Variants in CCDC141 observed in about 807,000 individuals in gnomAD.
CCDC141 encodes coiled-coil domain-containing protein 141.
In CCDC141, 168 loss-of-function variants were observed where a neutral mutation model predicts 181.0. The ratio of observed to expected loss-of-function variants is 0.93; its 90% CI spans 0.82 to 1.05. The LOEUF is 1.05. CCDC141 is among the 50% of genes least tolerant of loss of function. CCDC141 has a pLI of 0.00. For synonymous variants in CCDC141, 666 were observed against 642.3 expected, an observed-to-expected ratio of 1.04 and a Z score of -0.56; for missense variants, 1,902 against 1,788.5, an observed-to-expected ratio of 1.06 and a Z score of -1.14.
At chr2:178,926,311 C>A (rs1033234558) in intron 6 of CCDC141, among the ~76,000 whole-genome samples, 3 of 151,862 alleles carry the variant, frequency 2.0e-5, no homozygotes, top group African/African-American at 7.3e-5. Context: ...TATAATTATA[C>A]CAAAAATTGG....
At chr2:178,907,921 C>G (rs947899071) in intron 7 of CCDC141, among the ~76,000 whole-genome samples, 12 of 151,944 alleles carry the variant, frequency 7.9e-5, no homozygotes, top group African/African-American at 2.9e-4. Flanking sequence ...ATCACTAGAA[C>G]CCGGGAGGTG....
chr2:178,842,396 A>G (rs1684763562), intron 22 of CCDC141, among the ~76,000 whole-genome samples: 1 of 152,212 alleles, frequency 6.6e-6, no homozygotes, highest in Non-Finnish European at 1.5e-5. Context: ...ATATCTAGTA[A>G]ACAATTAGCT....
Position 178,834,272 on chromosome 2 carries a change from C to G in CCDC141, c.4494G>C (p.Val1498=). 6.5e-7 allele frequency: 1 copy of G among 1,536,086 alleles called. No individual in the cohort carries two copies. Among genetic ancestry groups the G allele is most frequent in the Non-Finnish European group, 8.7e-7 (1 of 1,146,860 alleles). ...TGATTGGCAGCCTGCAGTTACCTGT[C>G]ACGTGGAGGATGACATTGGAAGAGA... is the stretch of plus-strand genomic sequence containing the variant. The part of the protein sequence containing the change: ...GALSSNVILH[V]TGNCRLPITR... The change falls in exon 24 of 24, where the codon GTG becomes GTC. Residue 1498 remains valine (V), a synonymous_variant. Coordinates refer to ENST00000443758, the MANE Select transcript of CCDC141 (RefSeq NM_173648.4).
At chr2:178,894,328 A>G (rs1292663860) in intron 8 of CCDC141, among the ~76,000 whole-genome samples, 1 of 152,138 alleles carries the variant, frequency 6.6e-6, no homozygotes, top group Non-Finnish European at 1.5e-5. Flanking sequence ...AAGCAAAAGA[A>G]AGTCAAAGAA....
intron 11 of CCDC141, among the ~76,000 whole-genome samples, chr2:178,880,378 T>C (rs761647034): frequency 2.7e-4 from 41 of 152,282 alleles, no homozygotes; most frequent in Admixed American, 9.8e-4. Context: ...CCTTAGAATG[T>C]CTTTTGTTTT....
At chr2:179,007,337 G>A (rs2154384047) in intron 2 of CCDC141, among the ~76,000 whole-genome samples, 1 of 152,250 alleles carries the variant, frequency 6.6e-6, no homozygotes, top group African/African-American at 2.4e-5. Flanking sequence ...TAAACACAGA[G>A]ACCTAATCCA....
chr2:179,033,009 A>T (rs938962752), intron 2 of CCDC141, among the ~76,000 whole-genome samples: 40 of 147,440 alleles, frequency 2.7e-4, no homozygotes, highest in Admixed American at 8.2e-4. Context: ...ATATATATAT[A>T]ATATATAATA....
At chr2:178,961,117 A>G in intron 5 of CCDC141, 113 bp downstream of exon 5, 1 of 1,230,702 alleles carries the variant, frequency 8.1e-7, no homozygotes, top group Non-Finnish European at 1.1e-6. Flanking sequence ...TTTTTGGACC[A>G]AAGACCAAAA....
chr2:178,927,975 T>C (rs189769363), intron 6 of CCDC141, among the ~76,000 whole-genome samples: 1 of 152,340 alleles, frequency 6.6e-6, no homozygotes. Context: ...GGTTTTGGAC[T>C]AGTTGTTATG....
Position 179,011,107 on chromosome 2 carries a change from G to A in CCDC141, c.226-32432C>T, listed in dbSNP as rs576043892. 4.7e-4 allele frequency among the ~76,000 whole-genome samples: 71 copies of A among 151,230 alleles called. 1 individual carries two copies. Among genetic ancestry groups the A allele is most frequent in the African/African-American group, 1.5e-3 (60 of 41,134 alleles). On this transcript the variant is annotated intron_variant, in intron 2 of 23. Transcript: ENST00000443758. Reference sequence around the variant, plus strand: ...TGGGAGGCAGAGGTTGCAGTGAGCCGAGATCACACCATTGCACTCCAGCCT... The same window carrying A: ...TGGGAGGCAGAGGTTGCAGTGAGCCAAGATCACACCATTGCACTCCAGCCT...
At chr2:178,844,275 G>A (rs538061969) in intron 22 of CCDC141, among the ~76,000 whole-genome samples, 2 of 152,182 alleles carry the variant, frequency 1.3e-5, no homozygotes, top group South Asian at 4.1e-4. Flanking sequence ...GTGCATTTAA[G>A]GCTATTCTTT....
At chr2:178,999,255 G>T (rs1390390947) in intron 2 of CCDC141, among the ~76,000 whole-genome samples, 1 of 152,062 alleles carries the variant, frequency 6.6e-6, no homozygotes, top group African/African-American at 2.4e-5. Flanking sequence ...ACACAGAAGG[G>T]TATCTTCATT....
At chr2:178,839,081 C>T (rs1684610254) in intron 22 of CCDC141, among the ~76,000 whole-genome samples, 1 of 152,016 alleles carries the variant, frequency 6.6e-6, no homozygotes, top group Non-Finnish European at 1.5e-5. Context: ...TCATTTTAGC[C>T]CGTAGTCCTG....
At chr2:179,014,985 A>T (rs989728788) in intron 2 of CCDC141, among the ~76,000 whole-genome samples, 1 of 147,156 alleles carries the variant, frequency 6.8e-6, no homozygotes, top group Non-Finnish European at 1.5e-5. Flanking sequence ...TGTTTATAGC[A>T]GCACAATTCA....
At chr2:178,817,803 C>CTCCT in the CCDC141 span, 1 of 303,692 alleles carries the variant, frequency 3.3e-6, no homozygotes, top group Non-Finnish European at 6.4e-6. Flanking sequence ...TCCTCCCTCC[C>CTCCT]TCCCTCCCTC....
intron 8 of CCDC141, among the ~76,000 whole-genome samples, chr2:178,902,628 C>T (rs182849829): frequency 3.9e-5 from 6 of 152,028 alleles, no homozygotes; most frequent in Non-Finnish European, 7.4e-5. Flanking sequence ...AAGACTTAAA[C>T]GTTACACCTA....
At position 178,850,102 on chromosome 2, in the gene CCDC141, C is replaced by G; in HGVS notation, c.3304G>C (p.Glu1102Gln). 6.2e-7 allele frequency: 1 copy of G among 1,611,738 alleles called. No individual in the cohort carries two copies. Among genetic ancestry groups the G allele is most frequent in the East Asian group, 2.2e-5 (1 of 44,732 alleles). ...GACTCACATAATTCAGTCACAGATT[C>G]AAGAACCTCTTTGTGTTTTGTCACT... Reference protein sequence around the residue: ...KIVTKHKEVLESVTELCESLT... With the variant: ...KIVTKHKEVLQSVTELCESLT... The change falls in exon 21 of 24, where the codon GAA becomes CAA. Residue 1102 changes from glutamate (E) to glutamine (Q), a missense_variant. Transcript: ENST00000443758.
intron 7 of CCDC141, among the ~76,000 whole-genome samples, chr2:178,918,473 C>T (rs545374849): frequency 6.6e-6 from 1 of 152,268 alleles, no homozygotes; most frequent in South Asian, 2.1e-4. Context: ...ACAAAAAACC[C>T]TCACGAGGTT....
chr2:178,968,845 A>T (rs200979622), intron 4 of CCDC141, among the ~76,000 whole-genome samples: 1 of 152,074 alleles, frequency 6.6e-6, no homozygotes, highest in East Asian at 1.9e-4. Context: ...AGCCAGACTA[A>T]TTAAGAAGAA....
Sources: allele counts gnomAD v4.1 joint callset (sites outside exome capture counted in the v4.1 genomes callset), GRCh38; gene constraint gnomAD v4.1.1; transcripts MANE v1.5; gene names NCBI Gene and HGNC (gene_info 2026-07-23, HGNC 2026-07-21).